Variants in PIGU observed in about 807,000 individuals in gnomAD.
PIGU encodes the protein GPI-anchor transamidase component PIGU.
A neutral mutation model predicts 49.9 loss-of-function variants in PIGU; 24 were observed. The ratio of observed to expected loss-of-function variants is 0.48; its 90% CI spans 0.35 to 0.68. The LOEUF is 0.68. Ranked by LOEUF, PIGU falls within the 30% of genes least tolerant of loss-of-function variation. The pLI, the probability that PIGU is intolerant of heterozygous loss-of-function variation, is 0.01. For missense variants in PIGU, 490 were observed against 532.6 expected, an observed-to-expected ratio of 0.92 and a Z score of 0.79; for synonymous variants, 220 against 205.7, an observed-to-expected ratio of 1.07 and a Z score of -0.59.
chr20:34,563,707 A>C (rs1982626090), intron 11 of PIGU, among the ~76,000 whole-genome samples: 1 of 152,154 alleles, frequency 6.6e-6, no homozygotes. Flanking sequence ...AAGGAGCTTA[A>C]TTCTTGTCCA....
chr20:34,604,932 GA>G (rs1185059871), intron 7 of PIGU, among the ~76,000 whole-genome samples: 13 of 152,002 alleles, frequency 8.6e-5, no homozygotes, highest in Non-Finnish European at 1.5e-4. Context: ...CCATCCAAGG[GA>G]ATCCAAGGCT....
chr20:34,587,669 G>A (rs1339407881), intron 8 of PIGU, among the ~76,000 whole-genome samples: 4 of 152,060 alleles, frequency 2.6e-5, no homozygotes, highest in South Asian at 2.1e-4. Context: ...TGCCGGCATC[G>A]GTAACCACCC....
Position 34,657,251 on chromosome 20 carries a change from A to C in PIGU, c.131-7T>G. ...AGTGAAAGGCCTTCAACCACTGAAA[A>C]ATTAGATATACAAGTTCACTCAGAC... On this transcript the variant is annotated splice_region_variant and splice_polypyrimidine_tract_variant and intron_variant, in intron 1 of 11. Transcript: ENST00000217446. 1 of 1,608,314 alleles carries C rather than the reference A, an allele frequency of 6.2e-7. No individual in the cohort carries two copies. The highest frequency in any genetic ancestry group is 1.7e-5 in the Admixed American group (1 of 59,942).
At chr20:34,575,872 A>C (rs996913136) in intron 10 of PIGU, among the ~76,000 whole-genome samples, 17 of 152,190 alleles carry the variant, frequency 1.1e-4, no homozygotes, top group Admixed American at 1.1e-3. Flanking sequence ...CCAGGAAGAA[A>C]GCTCTCCCTG....
At chr20:34,646,205 G>C (rs1986338623) in intron 2 of PIGU, among the ~76,000 whole-genome samples, 2 of 152,120 alleles carry the variant, frequency 1.3e-5, no homozygotes, top group Admixed American at 1.3e-4. Context: ...TTAAATCACA[G>C]ATTCTATTTA....
At position 34,674,605 on chromosome 20, in the gene PIGU, A is replaced by G. The variant is rs1035049246; in HGVS notation, c.130+2351T>C. Among the ~76,000 whole-genome samples, 3 of 152,084 alleles carry G rather than the reference A, an allele frequency of 2.0e-5. No individual in the cohort carries two copies. In the East Asian group the frequency reaches 5.8e-4, roughly 29 times the overall value. On this transcript the variant is annotated intron_variant, in intron 1 of 11. Transcript: ENST00000217446. ...GACATAAAAGAATTCAGGAATGAAT[A>G]AAACAGAATCCTTCAAGGAGCTCAT...
intron 8 of PIGU, 47 bp downstream of exon 8, chr20:34,588,406 C>T (rs759878729): frequency 2.2e-5 from 35 of 1,556,800 alleles, no homozygotes; most frequent in Non-Finnish European, 3.1e-5. Context: ...ACAAGGGTTC[C>T]CTTTTCCCCA....
At position 34,675,964 on chromosome 20, in the gene PIGU, T is replaced by G. The variant is rs1600681250; in HGVS notation, c.130+992A>C. Among the ~76,000 whole-genome samples, 4 of 152,136 alleles carry G rather than the reference T, an allele frequency of 2.6e-5. No individual in the cohort carries two copies. The South Asian group carries it at 8.3e-4, about 32-fold the overall frequency. ...CTGGCTACATGAGTGAATACAGTTT[T>G]TAAAAATTCATTGAACTCTACACTT... On this transcript the variant is annotated intron_variant, in intron 1 of 11. Coordinates refer to ENST00000217446, the MANE Select transcript of PIGU (RefSeq NM_080476.5).
intron 6 of PIGU, among the ~76,000 whole-genome samples, chr20:34,627,569 A>AT (rs894098140): frequency 1.9e-4 from 29 of 150,592 alleles, no homozygotes; most frequent in Middle Eastern, 3.4e-3. Context: ...GTCATAAAAT[A>AT]TTTTTTTTTA....
At chr20:34,594,772 CGCTA>C (rs1186231940) in intron 7 of PIGU, among the ~76,000 whole-genome samples, 17 of 151,898 alleles carry the variant, frequency 1.1e-4, no homozygotes, top group Admixed American at 1.1e-3. Context: ...CAAACTCTGT[CGCTA>C]AATAAATAAA....
rs149788438 is a variant in PIGU at position 34,565,801 on chromosome 20, C to T, written c.1195-4822G>A. 9.9e-5 allele frequency among the ~76,000 whole-genome samples: 15 copies of T among 151,670 alleles called. No individual in the cohort carries two copies. In the East Asian group the frequency reaches 2.3e-3, roughly 24 times the overall value. On this transcript the variant is annotated intron_variant, in intron 11 of 11. Transcript: ENST00000217446. ...ACACAGGTGCACACACATACATGCA[C>T]GCTTGCACTGCTCACACAGGCTCGC... is the stretch of plus-strand genomic sequence containing the variant.
intron 8 of PIGU, among the ~76,000 whole-genome samples, chr20:34,588,189 G>T (rs1316633388): frequency 6.6e-6 from 1 of 151,986 alleles, no homozygotes; most frequent in African/African-American, 2.4e-5. Flanking sequence ...GAGGTGGAGG[G>T]TGCAGTGAGC....
chr20:34,633,567 T>TA (rs969135774), intron 6 of PIGU, among the ~76,000 whole-genome samples: 27 of 151,554 alleles, frequency 1.8e-4, no homozygotes, highest in Middle Eastern at 3.4e-3. Flanking sequence ...ACCAAAGAGC[T>TA]AAATTTTTTT....
At chr20:34,579,767 CTTT>C (rs1983384972) in intron 10 of PIGU, among the ~76,000 whole-genome samples, 2 of 152,232 alleles carry the variant, frequency 1.3e-5, no homozygotes, top group South Asian at 4.1e-4. Context: ...CATCCTTCTT[CTTT>C]GTGCCTCCTC....
intron 6 of PIGU, among the ~76,000 whole-genome samples, chr20:34,620,826 A>C (rs1234830502): frequency 6.6e-6 from 1 of 151,578 alleles, no homozygotes; most frequent in Non-Finnish European, 1.5e-5. Flanking sequence ...AAAACAAAAA[A>C]AAAAAAACAA....
intron 1 of PIGU, among the ~76,000 whole-genome samples, chr20:34,657,672 G>A (rs1986746939): frequency 6.6e-6 from 1 of 152,070 alleles, no homozygotes; most frequent in African/African-American, 2.4e-5. Context: ...CTTTTCGACA[G>A]GGCAATATGT....
At chr20:34,607,513 A>G (rs2146732944) in intron 7 of PIGU, among the ~76,000 whole-genome samples, 1 of 152,264 alleles carries the variant, frequency 6.6e-6, no homozygotes, top group African/African-American at 2.4e-5. Context: ...TTCCTGCTCC[A>G]TCCCCTTTCC....
At position 34,673,233 on chromosome 20, in the gene PIGU, GAC is replaced by G. The variant is rs1987369680; in HGVS notation, c.130+3721_130+3722del. Among the ~76,000 whole-genome samples the G allele has an allele frequency of 2.3e-5, 3 of 129,414 alleles. No homozygotes were observed. The South Asian group carries it at 7.1e-4, about 31-fold the overall frequency. The allele number at this position is 129,414 out of a possible 152,430, so 84.9% of individuals were successfully genotyped here. A position where few individuals can be genotyped will look rare whatever the true frequency, so the allele number is the denominator to read the frequency against. ...TGCACCACTGCACTCCAGCCTGGGTGACAGAGTGAGACTCCGTCTCAAAAAAA... is the reference window on the plus strand; with the variant it reads ...TGCACCACTGCACTCCAGCCTGGGTGAGAGTGAGACTCCGTCTCAAAAAAA... On this transcript the variant is annotated intron_variant, in intron 1 of 11. Transcript: ENST00000217446.
At chr20:34,588,704 T>C in intron 7 of PIGU, 97 bp from the exon 8 acceptor site, 1 of 1,185,046 alleles carries the variant, frequency 8.4e-7, no homozygotes, top group Non-Finnish European at 1.2e-6. Context: ...AACCATACTA[T>C]GATACACAGG....
Sources: allele counts gnomAD v4.1 joint callset (sites outside exome capture counted in the v4.1 genomes callset), GRCh38; gene constraint gnomAD v4.1.1; transcripts MANE v1.5; gene names NCBI Gene and HGNC (gene_info 2026-07-23, HGNC 2026-07-21).